SERPINA5: variants seen among roughly 807,000 people sequenced by gnomAD.
SERPINA5 encodes plasma serine protease inhibitor.
SERPINA5 carries 25 observed loss-of-function variants against 25.3 expected under a neutral mutation model. The ratio of observed to expected loss-of-function variants is 0.99; its 90% CI spans 0.72 to 1.38. SERPINA5 has a LOEUF of 1.38. Ranked by LOEUF, SERPINA5 falls within the 40% of genes most tolerant of loss-of-function variation. The pLI, the probability that SERPINA5 is intolerant of heterozygous loss-of-function variation, is 0.00. For synonymous variants in SERPINA5, 234 were observed against 206.2 expected, an observed-to-expected ratio of 1.14 and a Z score of -1.16; for missense variants, 599 against 509.5, an observed-to-expected ratio of 1.18 and a Z score of -1.69.
At position 94,590,308 on chromosome 14, in the gene SERPINA5, A is replaced by G. The variant is rs759819753; in HGVS notation, c.887A>G (p.Lys296Arg). 15 of 1,593,648 alleles carry G rather than the reference A, an allele frequency of 9.4e-6. No individual in the cohort carries two copies. Among genetic ancestry groups the G allele is most frequent in the East Asian group, 2.2e-5 (1 of 44,534 alleles). The change falls in exon 4 of 6, where the codon AAG becomes AGG. Residue 296 changes from lysine to arginine, a missense_variant. Physicochemically the swap from Lys to Arg is conservative, Grantham distance 26. Transcript: ENST00000329597. ...AGGAAGTGGCTTAAGATGTTCAAAA[A>G]GAGGTACTTTCAGACTACCCCAGGG... ...TLRKWLKMFKKRQLELYLPKF... is the reference protein window; with the variant it reads ...TLRKWLKMFKRRQLELYLPKF...
chr14:94,593,025 C>A lies in SERPINA5; in HGVS notation c.*786C>A, dbSNP rs534348514. 1 of 152,292 alleles carries A rather than the reference C, an allele frequency of 6.6e-6. No individual in the cohort carries two copies. The highest frequency in any genetic ancestry group is 2.1e-4 in the South Asian group (1 of 4,824). 9.4% of individuals were successfully genotyped at this position (152,292 alleles called of 1,614,324 possible). A position where few individuals can be genotyped will look rare whatever the true frequency, so the allele number is the denominator to read the frequency against. On this transcript the variant is annotated 3_prime_UTR_variant, in exon 6 of 6. Transcript: ENST00000329597. ...TGGCTGGGAGTGGAAGAAGGGAAGC[C>A]TTTTGCAAATAGTAGAGTATCAGTT...
intron 2 of SERPINA5, among the ~76,000 whole-genome samples, chr14:94,586,547 A>C (rs1885091289): frequency 6.6e-6 from 1 of 152,166 alleles, no homozygotes; most frequent in African/African-American, 2.4e-5. Context: ...TAGTGACCTC[A>C]TTCTAACTCA....
chr14:94,587,646 T>C lies in SERPINA5; in HGVS notation c.284T>C (p.Leu95Pro), dbSNP rs759856352. ...ACAAAGATGCAGATCCTGGAGGGCC[T>C]GGGCCTCAACCTCCAGAAAAGCTCA... ...SSTKMQILEG[L>P]GLNLQKSSEK... is the part of the protein sequence containing the mutation. Residue 95 changes from leucine to proline, a missense_variant, in exon 3 of 6, where the codon CTG (leucine) becomes CCG (proline). Leu to Pro is a moderately conservative substitution (Grantham distance 98). Transcript: ENST00000329597. The C allele has an allele frequency of 3.1e-6, 5 of 1,614,050 alleles. No individual in the cohort carries two copies. The highest frequency in any genetic ancestry group is 4.2e-6 in the Non-Finnish European group (5 of 1,179,978).
At chr14:94,589,107 A>C (rs989698887) in intron 3 of SERPINA5, among the ~76,000 whole-genome samples, 1 of 152,254 alleles carries the variant, frequency 6.6e-6, no homozygotes, top group Non-Finnish European at 1.5e-5. Context: ...CTGGGAAATA[A>C]GCTAAGGACG....
chr14:94,591,549 G>GTTCTTTTCTATTCTATTCTA (rs1276032029), intron 5 of SERPINA5, among the ~76,000 whole-genome samples: 1 of 108,222 alleles, frequency 9.2e-6, no homozygotes, highest in Non-Finnish European at 1.8e-5. Flanking sequence ...ATTCTGTTCT[G>GTTCTTTTCTATTCTATTCTA]TTCTATTCTA....
intron 5 of SERPINA5, among the ~76,000 whole-genome samples, 155 bp downstream of exon 5, chr14:94,591,051 AC>A (rs1885263649): frequency 7.7e-6 from 1 of 130,310 alleles, no homozygotes; most frequent in Non-Finnish European, 1.6e-5. Flanking sequence ...ACTCCACTCC[AC>A]TCCAGTTCAC....
intron 2 of SERPINA5, among the ~76,000 whole-genome samples, chr14:94,582,769 AAAATGT>A: frequency 6.6e-6 from 1 of 152,360 alleles, no homozygotes; most frequent in East Asian, 1.9e-4. Flanking sequence ...GCCGGAATGA[AAAATGT>A]CAATGACAAA....
At chr14:94,586,683 A>T (rs770939796) in intron 2 of SERPINA5, among the ~76,000 whole-genome samples, 2 of 152,150 alleles carry the variant, frequency 1.3e-5, no homozygotes, top group African/African-American at 4.8e-5. Flanking sequence ...GGATGTCCAC[A>T]TGAAGAGGTT....
intron 5 of SERPINA5, 65 bp from the exon 6 acceptor site, chr14:94,591,992 G>A (rs543384214): frequency 1.3e-6 from 2 of 1,533,274 alleles, no homozygotes; most frequent in South Asian, 1.2e-5. Flanking sequence ...CAGAAGCTTT[G>A]CCATTTGCTA....
chr14:94,587,456 G>T lies in SERPINA5; in HGVS notation c.94G>T (p.Glu32Ter). Residue 32 changes from glutamate (E) to a stop codon, truncating the protein, a stop_gained, in exon 3 of 6, where the codon GAG becomes TAG. Transcript: ENST00000329597. LOFTEE classifies it high-confidence loss of function. ...CCCCCGGGAGATGAAGAAGAGAGTCGAGGACCTCCATGTAGGTGCCACGGT... is the reference window on the plus strand; with the variant it reads ...CCCCCGGGAGATGAAGAAGAGAGTCTAGGACCTCCATGTAGGTGCCACGGT... ...HHPREMKKRV[E>*]DLHVGATVAP... is the part of the protein sequence containing the mutation. The T allele has an allele frequency of 6.2e-7, 1 of 1,614,146 alleles. No homozygotes were observed.
At position 94,585,048 on chromosome 14, in the gene SERPINA5, T is replaced by G. The variant is rs144935223; in HGVS notation, c.-17-2298T>G. ...GTTGGTGGCTACTAAGTCAGGGATT[T>G]CAAAATCAGGAAGATGCAGCCAGGA... On this transcript the variant is annotated intron_variant, in intron 2 of 5. Transcript: ENST00000329597. 5.4e-3 allele frequency among the ~76,000 whole-genome samples: 823 copies of G among 152,218 alleles called. 4 individuals carry two copies. The highest frequency in any genetic ancestry group is 8.9e-3 in the Non-Finnish European group (608 of 68,008).
intron 5 of SERPINA5, among the ~76,000 whole-genome samples, chr14:94,591,753 C>G (rs574261887): frequency 1.3e-5 from 2 of 152,306 alleles, no homozygotes; most frequent in African/African-American, 4.8e-5. Context: ...GAAGGCACTT[C>G]CTAGCTATGT....
At chr14:94,584,118 C>T (rs1450048105) in intron 2 of SERPINA5, among the ~76,000 whole-genome samples, 2 of 152,104 alleles carry the variant, frequency 1.3e-5, no homozygotes, top group African/African-American at 2.4e-5. Flanking sequence ...GAGGTGAGGT[C>T]GAGGAGGAAC....
chr14:94,589,478 A>G (rs1885207648), intron 3 of SERPINA5, among the ~76,000 whole-genome samples: 1 of 152,024 alleles, frequency 6.6e-6, no homozygotes, highest in South Asian at 2.1e-4. Context: ...AAAAAGAAAA[A>G]AAGAAATAAA....
chr14:94,589,873 A>G (rs1885218294), intron 3 of SERPINA5, among the ~76,000 whole-genome samples, 168 bp from the exon 4 acceptor site: 1 of 152,180 alleles, frequency 6.6e-6, no homozygotes, highest in Non-Finnish European at 1.5e-5. Context: ...CAATGTTATA[A>G]AGAGACTTGC....
At position 94,592,107 on chromosome 14, in the gene SERPINA5, G is replaced by A. The variant is rs749307094; in HGVS notation, c.1089G>A (p.Ala363=). 1.9e-5 allele frequency: 31 copies of A among 1,613,954 alleles called. No individual in the cohort carries two copies. Among genetic ancestry groups the A allele is most frequent in the Non-Finnish European group, 2.5e-5 (30 of 1,179,986 alleles). The stretch of plus-strand genomic sequence containing the variant: ...TGGACGAGTCGGGAACCAGAGCAGC[G>A]GCAGCCACGGGGACAATATTCACTT... The part of the protein sequence containing the change: ...VEVDESGTRA[A]AATGTIFTFR... Residue 363 remains alanine, a synonymous_variant, in exon 6 of 6, where the codon GCG becomes GCA. Transcript: ENST00000329597.
chr14:94,591,215 T>C (rs1885276299), intron 5 of SERPINA5, among the ~76,000 whole-genome samples: 1 of 142,298 alleles, frequency 7.0e-6, no homozygotes, highest in Admixed American at 6.9e-5. Context: ...ACATCTCCAC[T>C]CCACTCCTCC....
Position 94,592,493 on chromosome 14 carries a change from G to T in SERPINA5, c.*254G>T. The T allele has an allele frequency of 2.5e-6, 1 of 397,244 alleles. No homozygotes were observed. The highest frequency in any genetic ancestry group is 4.5e-6 in the Non-Finnish European group (1 of 221,824). The allele number at this position is 397,244 out of a possible 1,614,324, so 24.6% of individuals were successfully genotyped here. ...GAAGATTAACACTGAGATCCAGAGA[G>T]GCTGGATGACTTGCTCAAGTTCACC... On this transcript the variant is annotated 3_prime_UTR_variant, in exon 6 of 6. Transcript: ENST00000329597.
chr14:94,590,328 C>G lies in SERPINA5; in HGVS notation c.890+17C>G. On this transcript the variant is annotated intron_variant, in intron 4 of 5. Coordinates refer to ENST00000329597, the MANE Select transcript of SERPINA5 (RefSeq NM_000624.6). The stretch of plus-strand genomic sequence containing the variant: ...CAAAAAGAGGTACTTTCAGACTACC[C>G]CAGGGCCAGCCTAAACCCACACAGC... 1 of 1,570,950 alleles carries G rather than the reference C, an allele frequency of 6.4e-7. No individual in the cohort carries two copies. Among genetic ancestry groups the G allele is most frequent in the Non-Finnish European group, 8.7e-7 (1 of 1,155,792 alleles).
Sources: allele counts gnomAD v4.1 joint callset (sites outside exome capture counted in the v4.1 genomes callset), GRCh38; gene constraint gnomAD v4.1.1; transcripts MANE v1.5; gene names NCBI Gene and HGNC (gene_info 2026-07-23, HGNC 2026-07-21).